NECTIN3: variants seen among roughly 807,000 people sequenced by gnomAD.
NECTIN3 encodes the protein nectin cell adhesion molecule 3.
A neutral mutation model predicts 49.4 loss-of-function variants in NECTIN3; 8 were observed. The ratio of observed to expected loss-of-function variants is 0.16; its 90% CI spans 0.10 to 0.29. NECTIN3 has a LOEUF of 0.29. NECTIN3 is among the 10% of genes least tolerant of loss of function. The pLI, the probability that NECTIN3 is intolerant of heterozygous loss-of-function variation, is 1.00. For missense variants in NECTIN3, 581 were observed against 654.6 expected (o/e 0.89, Z 1.23); for synonymous variants, 277 against 241.1 (o/e 1.15, Z -1.38).
chr3:111,084,994 C>G (rs1038866542), intron 1 of NECTIN3, among the ~76,000 whole-genome samples: 1 of 152,178 alleles, frequency 6.6e-6, no homozygotes, highest in Non-Finnish European at 1.5e-5. Context: ...TAGAATCCTT[C>G]CTTGCCTTTT....
At position 111,131,300 on chromosome 3, in the gene NECTIN3, A is replaced by G. The variant is rs567052075; in HGVS notation, c.1070-2335A>G. Among the ~76,000 whole-genome samples, 25 of 152,148 alleles carry G rather than the reference A, an allele frequency of 1.6e-4. 2 individuals are homozygous for G. In the South Asian group the frequency reaches 5.2e-3, roughly 32 times the overall value. ...TATACTCATTTATCACACAGTCAGC[A>G]AAGAGTATGAAAAATAATATCTAAC... is the stretch of plus-strand genomic sequence containing the variant. On this transcript the variant is annotated intron_variant, in intron 5 of 5. Transcript: ENST00000485303.
At chr3:111,129,653 AT>A (rs34318879) in intron 5 of NECTIN3, among the ~76,000 whole-genome samples, 7,517 of 145,290 alleles carry the variant, frequency 0.052, 561 homozygotes, top group African/African-American at 0.17. Flanking sequence ...ATATGAGATA[AT>A]TTTTTTTTTT....
intron 1 of NECTIN3, among the ~76,000 whole-genome samples, chr3:111,100,749 A>G (rs2032861508): frequency 6.6e-6 from 1 of 152,048 alleles, no homozygotes; most frequent in Admixed American, 6.5e-5. Context: ...TTTAAAAATA[A>G]TTCATTAGTA....
chr3:111,079,677 CACTT>C (rs2031469149), intron 1 of NECTIN3, among the ~76,000 whole-genome samples: 1 of 151,768 alleles, frequency 6.6e-6, no homozygotes, highest in Non-Finnish European at 1.5e-5. Context: ...CAGCATTTCT[CACTT>C]AATCATAAGC....
intron 1 of NECTIN3, among the ~76,000 whole-genome samples, chr3:111,108,540 T>A (rs1231958232): frequency 6.6e-6 from 1 of 152,136 alleles, no homozygotes; most frequent in Non-Finnish European, 1.5e-5. Context: ...GGGGTGTGTA[T>A]TATAGTCCAT....
intron 7 of NECTIN3, among the ~76,000 whole-genome samples, chr3:111,164,042 A>C (rs1271353462): frequency 6.6e-6 from 1 of 152,010 alleles, no homozygotes; most frequent in Non-Finnish European, 1.5e-5. Flanking sequence ...AGGAAACTTA[A>C]GTACAAAAGA....
At chr3:111,072,733 T>C (rs1321316426) in intron 1 of NECTIN3, 1 of 710,486 alleles carries the variant, frequency 1.4e-6, no homozygotes, top group East Asian at 2.9e-5. Flanking sequence ...GGCTCTGCCC[T>C]GACAGCTTCT....
intron 1 of NECTIN3, among the ~76,000 whole-genome samples, chr3:111,073,138 A>T (rs2030919357): frequency 6.6e-6 from 1 of 151,300 alleles, no homozygotes; most frequent in Non-Finnish European, 1.5e-5. Flanking sequence ...TGGTGGGAGG[A>T]GGAGTATCAG....
At chr3:111,082,855 G>A (rs1185462559) in intron 1 of NECTIN3, among the ~76,000 whole-genome samples, 2 of 152,188 alleles carry the variant, frequency 1.3e-5, no homozygotes, top group African/African-American at 2.4e-5. Context: ...AGACAGTCCC[G>A]TCTGGGGGTG....
intron 7 of NECTIN3, among the ~76,000 whole-genome samples, chr3:111,157,471 T>C (rs1490838448): frequency 6.6e-6 from 1 of 152,130 alleles, no homozygotes; most frequent in Non-Finnish European, 1.5e-5. Flanking sequence ...GTCTGTTTTT[T>C]TCCACAGAGC....
At chr3:111,154,312 G>A (rs1214212151) in intron 7 of NECTIN3, among the ~76,000 whole-genome samples, 2 of 152,012 alleles carry the variant, frequency 1.3e-5, no homozygotes, top group Non-Finnish European at 1.5e-5. Flanking sequence ...ACTCTACATA[G>A]TGATTTTGAG....
intron 1 of NECTIN3, chr3:111,074,343 A>G (rs916472172): frequency 2.6e-6 from 1 of 384,782 alleles, no homozygotes; most frequent in African/African-American, 2.1e-5. Flanking sequence ...AAGGTTTGGC[A>G]TGTAATTAAT....
At chr3:111,147,166 C>A (rs1210000950) in intron 6 of NECTIN3, among the ~76,000 whole-genome samples, 1 of 152,108 alleles carries the variant, frequency 6.6e-6, no homozygotes, top group East Asian at 1.9e-4. Flanking sequence ...TTAATTCCTT[C>A]TTTAAATGTG....
At chr3:111,095,136 C>T (rs994727045) in intron 1 of NECTIN3, among the ~76,000 whole-genome samples, 9 of 152,048 alleles carry the variant, frequency 5.9e-5, no homozygotes, top group Non-Finnish European at 1.0e-4. Context: ...ACTTAAAAGT[C>T]ATAGGTCATA....
At chr3:111,127,465 C>CTTTTTTTTTT (rs35153084) in intron 5 of NECTIN3, among the ~76,000 whole-genome samples, 1 of 101,162 alleles carries the variant, frequency 9.9e-6, no homozygotes, top group African/African-American at 3.4e-5. Context: ...TGCAAACTTT[C>CTTTTTTTTTT]TTTTTTTTTT....
At position 111,163,431 on chromosome 3, in the gene NECTIN3, CTGTGTGACTAGAAATAA is replaced by C. The variant is rs1389328555; in HGVS notation, c.1221+15950_1221+15966del. ...GGGGAGTGGCAGTATTCTGGAAAGT[CTGTGTGACTAGAAATAA>C]TGCTGTAGCAGTTTTTGGAAAATAC... On this transcript the variant is annotated intron_variant, in intron 7 of 8. Transcript: ENST00000493615. Among the ~76,000 whole-genome samples the C allele has an allele frequency of 1.4e-4, 22 of 152,144 alleles. 1 individual carries two copies. The highest frequency in any genetic ancestry group is 1.4e-3 in the Admixed American group (22 of 15,284).
chr3:111,102,021 G>T (rs938021390), intron 1 of NECTIN3, among the ~76,000 whole-genome samples: 3 of 152,052 alleles, frequency 2.0e-5, no homozygotes, highest in Non-Finnish European at 4.4e-5. Context: ...TGATCCTCTG[G>T]ACTATGGCAA....
intron 4 of NECTIN3, among the ~76,000 whole-genome samples, 153 bp from the exon 5 acceptor site, chr3:111,126,031 T>G (rs1196933383): frequency 6.6e-6 from 1 of 152,180 alleles, no homozygotes; most frequent in Non-Finnish European, 1.5e-5. Flanking sequence ...AAATGAAAAT[T>G]TGTTACTTTT....
chr3:111,077,238 A>G (rs976263678), intron 1 of NECTIN3: 1 of 440,974 alleles, frequency 2.3e-6, no homozygotes, highest in African/African-American at 2.0e-5. Flanking sequence ...CCCACCATTC[A>G]TTCTGCTAAA....
Sources: gnomAD v4.1 joint callset for allele counts (sites outside exome capture counted in the v4.1 genomes callset) on GRCh38, gnomAD v4.1.1 for gene constraint, MANE v1.5 for transcripts, NCBI Gene and HGNC (gene_info 2026-07-23, HGNC 2026-07-21) for gene names.